The following ZNF98 variants were observed in gnomAD, a reference collection of about 807,000 sequenced individuals.
ZNF98 encodes the protein zinc finger protein 739.
ZNF98 carries 8 observed loss-of-function variants against 12.8 expected under a neutral mutation model. The observed-to-expected ratio is 0.63, with a 90% CI of 0.37 to 1.13. ZNF98 has a LOEUF of 1.13. Among genes scored for constraint, ZNF98 ranks in the 50% most tolerant of loss-of-function variants. The probability of loss-of-function intolerance (pLI) is 0.01; values close to 1 mark genes in which losing one functional copy is unlikely to be tolerated. For missense variants in ZNF98, 379 were observed against 666.1 expected (o/e 0.57, Z 4.74); for synonymous variants, 112 against 223.5 (o/e 0.50, Z 4.45).
intron 1 of ZNF98, among the ~76,000 whole-genome samples, chr19:22,409,311 A>C (rs1969555460): frequency 1.3e-5 from 2 of 152,196 alleles, no homozygotes; most frequent in African/African-American, 4.8e-5. Flanking sequence ...AAAGACATAA[A>C]TGTAAAGCCC....
rs535784503 is a variant in ZNF98 at position 22,414,445 on chromosome 19, C to G, written c.30+7750G>C. 2.0e-5 allele frequency among the ~76,000 whole-genome samples: 3 copies of G among 151,834 alleles called. No individual in the cohort carries two copies. In the East Asian group the frequency reaches 5.8e-4, roughly 29 times the overall value. On this transcript the variant is annotated intron_variant, in intron 1 of 3. Coordinates refer to ENST00000357774, the MANE Select transcript of ZNF98 (RefSeq NM_001098626.2). ...CCCAAATAGCCAAGCCAATCATAAGCGAAAAGAACAAAGCTGAAGTCATTA... is the reference window on the plus strand; with the variant it reads ...CCCAAATAGCCAAGCCAATCATAAGGGAAAAGAACAAAGCTGAAGTCATTA...
At chr19:22,397,106 G>A (rs767681364) in intron 3 of ZNF98, among the ~76,000 whole-genome samples, 11 of 134,622 alleles carry the variant, frequency 8.2e-5, no homozygotes, top group Non-Finnish European at 1.1e-4. Context: ...GACACAGAGT[G>A]AGACTCTGTC....
chr19:22,408,642 G>T (rs1969548263), intron 1 of ZNF98, among the ~76,000 whole-genome samples: 1 of 152,000 alleles, frequency 6.6e-6, no homozygotes, highest in Admixed American at 6.6e-5. Context: ...ATTCCTATAA[G>T]CCAACAACAG....
At chr19:22,407,561 AT>A (rs1460540106) in intron 1 of ZNF98, among the ~76,000 whole-genome samples, 1 of 151,226 alleles carries the variant, frequency 6.6e-6, no homozygotes, top group African/African-American at 2.4e-5. Context: ...AAAATCCAAA[AT>A]TTAGCTGGGT....
At chr19:22,402,450 A>G in intron 3 of ZNF98, 2 of 407,218 alleles carry the variant, frequency 4.9e-6, no homozygotes, top group South Asian at 1.1e-4. Context: ...TTTAACATAG[A>G]GTTTCTCAAA....
chr19:22,417,288 A>G (rs968840048), intron 1 of ZNF98, among the ~76,000 whole-genome samples: 1 of 151,966 alleles, frequency 6.6e-6, no homozygotes, highest in African/African-American at 2.4e-5. Context: ...AAGAACACAT[A>G]AAAACAAAGA....
At chr19:22,413,289 T>A (rs1288459351) in intron 1 of ZNF98, among the ~76,000 whole-genome samples, 1 of 152,044 alleles carries the variant, frequency 6.6e-6, no homozygotes, top group Non-Finnish European at 1.5e-5. Context: ...GAAGAGAGGA[T>A]GTCAAAACCT....
chr19:22,405,127 C>T (rs12151261), intron 1 of ZNF98, among the ~76,000 whole-genome samples: 65,321 of 151,782 alleles, frequency 0.43, 14,257 homozygotes, highest in Non-Finnish European at 0.46. Context: ...TCAGACACCC[C>T]TGACTATTAT....
At chr19:22,398,260 G>A (rs1969419427) in intron 3 of ZNF98, among the ~76,000 whole-genome samples, 1 of 152,174 alleles carries the variant, frequency 6.6e-6, no homozygotes, top group Non-Finnish European at 1.5e-5. Context: ...AAACAGAATG[G>A]CATTTGAAAA....
chr19:22,410,174 T>C (rs1969565577), intron 1 of ZNF98, among the ~76,000 whole-genome samples: 1 of 152,192 alleles, frequency 6.6e-6, no homozygotes, highest in African/African-American at 2.4e-5. Flanking sequence ...AGTTCAACCA[T>C]CGTGGAAGAC....
At position 22,392,660 on chromosome 19, in the gene ZNF98, C is replaced by G. The variant is rs1462935035; in HGVS notation, c.575G>C (p.Cys192Ser). The change falls in exon 4 of 4, where the codon TGC becomes TCC. Residue 192 changes from cysteine to serine, a missense_variant. This residue lies in a region of ZNF98 where 223 missense variants were observed against 261.6 expected (regional missense o/e 0.85). Transcript: ENST00000357774. ...ATGTTGAGCTAAGTGTGAAAGCATG[C>G]AAAATGACTTTTCACATTCTTTACA... is the stretch of plus-strand genomic sequence containing the variant. Reference protein sequence around the residue: ...FKCKECEKSFCMLSHLAQHKR... With the variant: ...FKCKECEKSFSMLSHLAQHKR... The G allele has an allele frequency of 2.5e-6, 4 of 1,592,840 alleles. No individual in the cohort carries two copies. Among genetic ancestry groups the G allele is most frequent in the Non-Finnish European group, 3.4e-6 (4 of 1,168,328 alleles).
intron 3 of ZNF98, among the ~76,000 whole-genome samples, chr19:22,400,910 G>A (rs537916559): frequency 2.1e-5 from 3 of 141,206 alleles, no homozygotes; most frequent in South Asian, 2.2e-4. Flanking sequence ...CCGAGGCCGC[G>A]CCACTGCACT....
At chr19:22,403,224 T>C in intron 2 of ZNF98, among the ~76,000 whole-genome samples, 162 bp downstream of exon 2, 1 of 145,264 alleles carries the variant, frequency 6.9e-6, no homozygotes, top group East Asian at 2.0e-4. Flanking sequence ...TGAAACATCT[T>C]GAAATTCTTT....
intron 1 of ZNF98, among the ~76,000 whole-genome samples, chr19:22,414,994 C>T (rs957982418): frequency 7.2e-5 from 11 of 151,890 alleles, no homozygotes; most frequent in Non-Finnish European, 8.8e-5. Context: ...GACAAAGGTC[C>T]AATATCCATA....
At chr19:22,421,450 C>T (rs1969702610) in intron 1 of ZNF98, among the ~76,000 whole-genome samples, 2 of 152,020 alleles carry the variant, frequency 1.3e-5, no homozygotes, top group Non-Finnish European at 2.9e-5. Context: ...TGAGGTGGCT[C>T]CAATCCCTGG....
Position 22,400,620 on chromosome 19 carries a change from G to A in ZNF98, c.253+2169C>T, listed in dbSNP as rs532070247. Among the ~76,000 whole-genome samples the A allele has an allele frequency of 2.6e-5, 4 of 151,528 alleles. No individual in the cohort carries two copies. In the East Asian group the frequency reaches 7.8e-4, roughly 30 times the overall value. On this transcript the variant is annotated intron_variant, in intron 3 of 3. Coordinates refer to ENST00000357774, the MANE Select transcript of ZNF98 (RefSeq NM_001098626.2). ...CCATAGGACATCCCATCACCCTGGG[G>A]GCTCAACAAAAGATCTTCACTTTCT...
intron 1 of ZNF98, among the ~76,000 whole-genome samples, chr19:22,409,318 GC>G (rs1969555659): frequency 6.6e-6 from 1 of 151,990 alleles, no homozygotes; most frequent in Non-Finnish European, 1.5e-5. Flanking sequence ...TAAATGTAAA[GC>G]CCAAAACCAG....
rs369703964 is a variant in ZNF98, at chr19:22,402,111, G to A, written c.253+678C>T. ...GAATCGCTTGAACCCAGGAGGCAGA[G>A]ATTGCAGTTAGCCAAGATGATGACA... is the stretch of plus-strand genomic sequence containing the variant. On this transcript the variant is annotated intron_variant, in intron 3 of 3. Coordinates refer to ENST00000357774, the MANE Select transcript of ZNF98 (RefSeq NM_001098626.2). Among the ~76,000 whole-genome samples the A allele has an allele frequency of 2.5e-4, 35 of 141,186 alleles. No individual in the cohort carries two copies. The East Asian group carries it at 6.9e-3, about 28-fold the overall frequency. The allele number at this position is 141,186 out of a possible 152,430, so 92.6% of individuals were successfully genotyped here.
chr19:22,413,947 ATCAATATTGGCCAG>A (rs2145120916), intron 1 of ZNF98, among the ~76,000 whole-genome samples: 1 of 151,320 alleles, frequency 6.6e-6, no homozygotes, highest in South Asian at 2.1e-4. Context: ...GATAGAAAAG[ATCAATATTGGCCAG>A]GCAAAGTGGC....
Sources: gnomAD v4.1 joint callset for allele counts (sites outside exome capture counted in the v4.1 genomes callset) on GRCh38, gnomAD v4.1.1 for gene constraint, gnomAD v4.1.1 regional missense constraint, MANE v1.5 for transcripts, NCBI Gene and HGNC (gene_info 2026-07-23, HGNC 2026-07-21) for gene names.